Variants in UBE2D3 observed in about 807,000 individuals in gnomAD.
UBE2D3 encodes ubiquitin conjugating enzyme E2 D3, also known as ubiquitin-conjugating enzyme E2 D3.
Under a neutral mutation model 22.8 loss-of-function variants are expected in UBE2D3, and 2 were observed. That is an observed-to-expected ratio of 0.09 (90% CI 0.04 to 0.28). The LOEUF (loss-of-function observed/expected upper bound fraction) is 0.28. Ranked by LOEUF, UBE2D3 falls within the 10% of genes least tolerant of loss-of-function variation. The probability of loss-of-function intolerance (pLI) is 1.00; values close to 1 mark genes in which losing one functional copy is unlikely to be tolerated. For synonymous variants in UBE2D3, 56 were observed against 60.4 expected, an observed-to-expected ratio of 0.93 and a Z score of 0.34; for missense variants, 27 against 182.5, an observed-to-expected ratio of 0.15 and a Z score of 4.91.
chr4:102,862,526 T>TC (rs1732947941), intron 1 of UBE2D3, among the ~76,000 whole-genome samples: 1 of 148,266 alleles, frequency 6.7e-6, no homozygotes, highest in Non-Finnish European at 1.5e-5. Context: ...TATACCTTGA[T>TC]CAAATGTCCT....
At chr4:102,862,487 CT>C (rs1379904582) in intron 1 of UBE2D3, among the ~76,000 whole-genome samples, 1 of 152,024 alleles carries the variant, frequency 6.6e-6, no homozygotes, top group Non-Finnish European at 1.5e-5. Flanking sequence ...TCTGTGATTC[CT>C]TTTACCTTTC....
chr4:102,797,472 G>A lies in UBE2D3; in HGVS notation c.399-12C>T, dbSNP rs778787298. Reference sequence around the variant, plus strand: ...ATATTCTGTTGTACCTGTAAATAAAGATGTTATTTTTAAAAGTTAAAATAA... The same window carrying A: ...ATATTCTGTTGTACCTGTAAATAAAAATGTTATTTTTAAAAGTTAAAATAA... On this transcript the variant is annotated splice_polypyrimidine_tract_variant and intron_variant, in intron 7 of 7. Transcript: ENST00000453744. The A allele has an allele frequency of 2.5e-5, 40 of 1,589,528 alleles. No individual in the cohort carries two copies. Among genetic ancestry groups the A allele is most frequent in the Non-Finnish European group, 3.3e-5 (38 of 1,166,282 alleles).
chr4:102,801,793 GGTTACT>G, intron 5 of UBE2D3: 1 of 343,782 alleles, frequency 2.9e-6, no homozygotes, highest in Admixed American at 4.4e-5. Context: ...AAGTTCTAAA[GGTTACT>G]GTGGCCCTAC....
intron 4 of UBE2D3, among the ~76,000 whole-genome samples, chr4:102,806,896 G>C (rs956790619): frequency 2.6e-5 from 4 of 152,026 alleles, no homozygotes; most frequent in Non-Finnish European, 4.4e-5. Context: ...TTCTTTCGAA[G>C]GTTTAGTTTT....
rs1415601933 is a variant in UBE2D3, at chr4:102,811,688, A to AC, written c.25-1834dup. 832 of 367,314 alleles carry AC rather than the reference A, an allele frequency of 2.3e-3. 2 individuals are homozygous for AC. Among genetic ancestry groups the AC allele is most frequent in the African/African-American group, 0.01 (449 of 44,898 alleles). The allele number at this position is 367,314 out of a possible 1,614,324, so 22.8% of individuals were successfully genotyped here. A position where few individuals can be genotyped will look rare whatever the true frequency, so the allele number is the denominator to read the frequency against. On this transcript the variant is annotated intron_variant, in intron 2 of 7. Coordinates refer to ENST00000453744, the MANE Select transcript of UBE2D3 (RefSeq NM_181891.3). The stretch of plus-strand genomic sequence containing the variant: ...CTGTCTCAAAAACAACAAAAAAAAA[A>AC]CCCCAGAAAAGCTGAACGTACTCAT...
At chr4:102,816,742 G>GA (rs1457350045) in intron 2 of UBE2D3, among the ~76,000 whole-genome samples, 2 of 152,074 alleles carry the variant, frequency 1.3e-5, no homozygotes, top group Non-Finnish European at 2.9e-5. Flanking sequence ...TTTCACACTG[G>GA]AGGTTAATTT....
intron 1 of UBE2D3, among the ~76,000 whole-genome samples, chr4:102,861,929 G>T (rs1396325694): frequency 6.6e-6 from 1 of 151,822 alleles, no homozygotes; most frequent in Non-Finnish European, 1.5e-5. Context: ...TATTTATTAT[G>T]GATTGACTGA....
chr4:102,825,065 G>A (rs1479431199), intron 2 of UBE2D3, among the ~76,000 whole-genome samples: 3 of 152,126 alleles, frequency 2.0e-5, no homozygotes, highest in Admixed American at 2.0e-4. Context: ...TAAGAGTGAA[G>A]ATTTAAACCT....
chr4:102,828,066 T>C, upstream of UBE2D3: 1 of 985,372 alleles, frequency 1.0e-6, no homozygotes, highest in African/African-American at 1.7e-5. Flanking sequence ...CCAAAATGCA[T>C]AAGTTCTCGC....
At chr4:102,826,394 G>C in intron 2 of UBE2D3, 91 bp downstream of exon 2, 4 of 1,511,184 alleles carry the variant, frequency 2.6e-6, no homozygotes, top group Non-Finnish European at 3.7e-6. Flanking sequence ...GGTATTTTCA[G>C]AATTATGCTT....
intron 2 of UBE2D3, among the ~76,000 whole-genome samples, chr4:102,820,904 A>T (rs1380555667): frequency 6.6e-6 from 1 of 152,210 alleles, no homozygotes; most frequent in African/African-American, 2.4e-5. Context: ...AAACATTTAA[A>T]TACGACAAAT....
intron 1 of UBE2D3, among the ~76,000 whole-genome samples, chr4:102,847,854 C>T (rs1299265680): frequency 1.3e-5 from 2 of 152,132 alleles, no homozygotes; most frequent in Admixed American, 1.3e-4. Context: ...CAGTGTTGCC[C>T]AGGCTGGCCT....
chr4:102,812,064 A>G (rs1728135386), intron 2 of UBE2D3: 1 of 183,944 alleles, frequency 5.4e-6, no homozygotes, highest in Non-Finnish European at 1.1e-5. Flanking sequence ...TGCAAAATCA[A>G]GGACACAAAA....
At chr4:102,847,181 C>G (rs1316817047) in intron 1 of UBE2D3, among the ~76,000 whole-genome samples, 1 of 152,208 alleles carries the variant, frequency 6.6e-6, no homozygotes, top group Admixed American at 6.5e-5. Flanking sequence ...AAGAATTAAG[C>G]ATGTAATTGA....
intron 1 of UBE2D3, among the ~76,000 whole-genome samples, chr4:102,833,547 A>T (rs1272667233): frequency 6.6e-6 from 1 of 152,240 alleles, no homozygotes; most frequent in Non-Finnish European, 1.5e-5. Context: ...AAGTTCATGT[A>T]GAGAATTCAA....
At chr4:102,802,093 T>C (rs1934953368) in intron 5 of UBE2D3, 1 of 154,358 alleles carries the variant, frequency 6.5e-6, no homozygotes, top group East Asian at 1.9e-4. Context: ...GTTGAATTTA[T>C]GTTAATGACT....
intron 1 of UBE2D3, among the ~76,000 whole-genome samples, chr4:102,867,901 GA>G (rs148131040): frequency 0.02 from 2,993 of 151,948 alleles, 83 homozygotes; most frequent in African/African-American, 0.061. Flanking sequence ...AAAACTTTAT[GA>G]AAAAAAATTT....
intron 4 of UBE2D3, among the ~76,000 whole-genome samples, chr4:102,806,958 G>A (rs1180844688): frequency 6.6e-6 from 1 of 152,266 alleles, no homozygotes; most frequent in East Asian, 1.9e-4. Flanking sequence ...GAATAAGCCA[G>A]TACATATGAT....
Position 102,807,632 on chromosome 4 carries a change from G to A in UBE2D3, c.120+2040C>T, listed in dbSNP as rs534460102. Among the ~76,000 whole-genome samples the A allele has an allele frequency of 2.0e-5, 3 of 152,142 alleles. No homozygotes were observed. In the South Asian group the frequency reaches 6.2e-4, roughly 32 times the overall value. On this transcript the variant is annotated intron_variant, in intron 4 of 7. Transcript: ENST00000453744. ...AAAACTGCTAGTCATTATATTAAAA[G>A]GTTGCTGAAAAAGTTCAGCAAGGAA...
Sources: gnomAD v4.1 joint callset for allele counts (sites outside exome capture counted in the v4.1 genomes callset) on GRCh38, gnomAD v4.1.1 for gene constraint, MANE v1.5 for transcripts, NCBI Gene and HGNC (gene_info 2026-07-23, HGNC 2026-07-21) for gene names.